Variants in RALGAPA2 observed in about 807,000 individuals in gnomAD.
RALGAPA2 encodes Ral GTPase activating protein catalytic subunit alpha 2.
RALGAPA2 carries 139 observed loss-of-function variants against 230.4 expected under a neutral mutation model. The observed-to-expected ratio is 0.60, with a 90% CI of 0.53 to 0.69. RALGAPA2 has a LOEUF of 0.69. RALGAPA2 is among the 30% of genes least tolerant of loss of function. The probability of loss-of-function intolerance (pLI) is 0.00; values close to 1 mark genes in which losing one functional copy is unlikely to be tolerated. For synonymous variants in RALGAPA2, 847 were observed against 837.8 expected (o/e 1.01, Z -0.19); for missense variants, 2,163 against 2,276.0 (o/e 0.95, Z 1.01).
intron 1 of RALGAPA2, among the ~76,000 whole-genome samples, chr20:20,699,489 T>C (rs1004528611): frequency 6.6e-6 from 1 of 152,192 alleles, no homozygotes; most frequent in African/African-American, 2.4e-5. Flanking sequence ...ACACCAGGAA[T>C]ATGACCAGAC....
At position 20,704,537 on chromosome 20, in the gene RALGAPA2, C is replaced by T. The variant is rs60176537; in HGVS notation, c.106+7838G>A. ...CAAACTCAGGACTCATGGGCTTCCT[C>T]TCACTCTCCACCTCTCTATTGTCAT... On this transcript the variant is annotated intron_variant, in intron 1 of 39. Coordinates refer to ENST00000202677, the MANE Select transcript of RALGAPA2 (RefSeq NM_020343.4). 8.4e-3 allele frequency among the ~76,000 whole-genome samples: 1,283 copies of T among 152,318 alleles called. 17 individuals are homozygous for T. The highest frequency in any genetic ancestry group is 0.029 in the African/African-American group (1,219 of 41,564).
chr20:20,522,750 CAGTT>C (rs2063083319), intron 30 of RALGAPA2, among the ~76,000 whole-genome samples: 1 of 152,098 alleles, frequency 6.6e-6, no homozygotes, highest in Non-Finnish European at 1.5e-5. Context: ...ACAAAACAAA[CAGTT>C]ATTTAGTAAA....
rs2063370501 is a variant in RALGAPA2, at chr20:20,531,664, T to A, written c.3582+23A>T. 5 of 1,538,800 alleles carry A rather than the reference T, an allele frequency of 3.2e-6. No individual in the cohort carries two copies. In the East Asian group the frequency reaches 1.1e-4, roughly 35 times the overall value. On this transcript the variant is annotated intron_variant, in intron 27 of 39. Coordinates refer to ENST00000202677, the MANE Select transcript of RALGAPA2 (RefSeq NM_020343.4). ...GCCTCAGATATGGCTTAATATCCAA[T>A]CAGCACCACAAACTGGTAATACCTT... is the stretch of plus-strand genomic sequence containing the variant.
chr20:20,711,961 G>T (rs893917457), intron 1 of RALGAPA2, among the ~76,000 whole-genome samples: 1 of 152,010 alleles, frequency 6.6e-6, no homozygotes, highest in Non-Finnish European at 1.5e-5. Flanking sequence ...GGTTCACTTG[G>T]GGTCTCGGTC....
chr20:20,712,269 T>TCCCC lies in RALGAPA2; in HGVS notation c.106+102_106+105dup. 2.9e-6 allele frequency: 1 copy of TCCCC among 345,338 alleles called. No homozygotes were observed. The highest frequency in any genetic ancestry group is 2.2e-5 in the South Asian group (1 of 45,586). 21.4% of individuals were successfully genotyped at this position (345,338 alleles called of 1,614,324 possible). On this transcript the variant is annotated intron_variant, in intron 1 of 39. Coordinates refer to ENST00000202677, the MANE Select transcript of RALGAPA2 (RefSeq NM_020343.4). This position sits in a 1 kb window ranked among gnomAD's most constrained non-coding sequence, Gnocchi z 5.5. ...GGGAAGGGGGTCGGACGCCCACCCA[T>TCCCC]CCCCCTCCCCAGCCTCCCAGCCACC...
At chr20:20,504,778 T>C (rs2062481742) in intron 34 of RALGAPA2, among the ~76,000 whole-genome samples, 1 of 152,024 alleles carries the variant, frequency 6.6e-6, no homozygotes, top group African/African-American at 2.4e-5. Context: ...GATATGTTGA[T>C]TTCCATTTTA....
At chr20:20,534,226 C>T (rs770321122) in intron 26 of RALGAPA2, among the ~76,000 whole-genome samples, 3 of 152,112 alleles carry the variant, frequency 2.0e-5, no homozygotes, top group East Asian at 1.9e-4. Context: ...AGGCAGATCA[C>T]GAAGTCAGGA....
chr20:20,681,771 GC>G (rs2068529441), intron 1 of RALGAPA2, among the ~76,000 whole-genome samples: 2 of 152,076 alleles, frequency 1.3e-5, no homozygotes, highest in Admixed American at 1.3e-4. Flanking sequence ...CAGGGTAATC[GC>G]CCGAACTCAG....
chr20:20,664,349 G>T (rs1055801687), intron 3 of RALGAPA2, among the ~76,000 whole-genome samples: 32 of 152,014 alleles, frequency 2.1e-4, no homozygotes, highest in Non-Finnish European at 4.0e-4. Flanking sequence ...ATCATGCAAA[G>T]GTCTAATCTC....
chr20:20,408,678 T>C (rs2059995908), intron 38 of RALGAPA2, among the ~76,000 whole-genome samples: 1 of 152,188 alleles, frequency 6.6e-6, no homozygotes, highest in South Asian at 2.1e-4. Flanking sequence ...TGCCGGTCCC[T>C]CTTTCTTGGT....
intron 30 of RALGAPA2, 32 bp downstream of exon 30, chr20:20,524,374 C>T (rs780221691): frequency 1.5e-5 from 25 of 1,612,964 alleles, no homozygotes; most frequent in Non-Finnish European, 1.5e-5. Flanking sequence ...TAAACCCACA[C>T]TCCATTCCCC....
chr20:20,596,486 T>C (rs927232823), intron 16 of RALGAPA2, among the ~76,000 whole-genome samples: 8 of 152,280 alleles, frequency 5.3e-5, no homozygotes, highest in Admixed American at 3.9e-4. Context: ...GGATTTAAAT[T>C]GGAGGGCAAA....
intron 11 of RALGAPA2, among the ~76,000 whole-genome samples, chr20:20,620,040 C>T (rs921853173): frequency 1.3e-5 from 2 of 152,164 alleles, no homozygotes; most frequent in African/African-American, 4.8e-5. Context: ...AGGGGTAACA[C>T]CCAGCTGCTT....
At chr20:20,689,147 A>G (rs1461657346) in intron 1 of RALGAPA2, among the ~76,000 whole-genome samples, 2 of 152,172 alleles carry the variant, frequency 1.3e-5, no homozygotes, top group Admixed American at 6.5e-5. Flanking sequence ...CAGCACTAAA[A>G]TTTTTAAACT....
At chr20:20,549,054 T>C (rs187168185) in intron 23 of RALGAPA2, among the ~76,000 whole-genome samples, 9 of 152,320 alleles carry the variant, frequency 5.9e-5, no homozygotes, top group Admixed American at 1.3e-4. Flanking sequence ...ACCTTGAAGC[T>C]TGTGGGCTTT....
chr20:20,632,907 A>G (rs2066725501), intron 9 of RALGAPA2, among the ~76,000 whole-genome samples: 1 of 151,398 alleles, frequency 6.6e-6, no homozygotes. Flanking sequence ...TTCATAGTCT[A>G]TTGATTGGAT....
chr20:20,440,432 T>C (rs2060711703), intron 37 of RALGAPA2, among the ~76,000 whole-genome samples: 1 of 152,218 alleles, frequency 6.6e-6, no homozygotes, highest in Non-Finnish European at 1.5e-5. Context: ...CAGCCTGTAT[T>C]AAATAGGCCT....
intron 23 of RALGAPA2, among the ~76,000 whole-genome samples, chr20:20,568,987 TAGAA>T (rs1205506113): frequency 2.0e-5 from 3 of 152,188 alleles, no homozygotes; most frequent in Non-Finnish European, 4.4e-5. Context: ...TCTCACAAAA[TAGAA>T]AGAAGCCCTG....
At position 20,555,663 on chromosome 20, in the gene RALGAPA2, A is replaced by G. The variant is rs138706040; in HGVS notation, c.3157-8831T>C. 5.6e-3 allele frequency among the ~76,000 whole-genome samples: 855 copies of G among 152,294 alleles called. 4 individuals are homozygous for G. Among genetic ancestry groups the G allele is most frequent in the Non-Finnish European group, 9.6e-3 (651 of 68,022 alleles). On this transcript the variant is annotated intron_variant, in intron 23 of 39. Coordinates refer to ENST00000202677, the MANE Select transcript of RALGAPA2 (RefSeq NM_020343.4). ...TAAGTATTTGATTCTTTTTGATGCTATTGTAAATAGAATTGCTTTCTTAAT... is the reference window on the plus strand; with the variant it reads ...TAAGTATTTGATTCTTTTTGATGCTGTTGTAAATAGAATTGCTTTCTTAAT...
Sources: gnomAD v4.1 joint callset for allele counts (sites outside exome capture counted in the v4.1 genomes callset) on GRCh38, gnomAD v4.1.1 for gene constraint, Gnocchi (gnomAD v3.1) non-coding constraint, MANE v1.5 for transcripts, NCBI Gene and HGNC (gene_info 2026-07-23, HGNC 2026-07-21) for gene names.